FKBP4: variants seen among roughly 807,000 people sequenced by gnomAD.
The protein encoded by FKBP4 is FKBP prolyl isomerase 4.
FKBP4 carries 28 observed loss-of-function variants against 54.1 expected under a neutral mutation model. That is an observed-to-expected ratio of 0.52 (90% CI 0.38 to 0.71). The LOEUF (loss-of-function observed/expected upper bound fraction) is 0.71. Ranked by LOEUF, FKBP4 falls within the 30% of genes least tolerant of loss-of-function variation. The pLI, the probability that FKBP4 is intolerant of heterozygous loss-of-function variation, is 0.00. For missense variants in FKBP4, 493 were observed against 574.4 expected (o/e 0.86, Z 1.45); for synonymous variants, 223 against 216.1 (o/e 1.03, Z -0.28).
rs1359592864 is a variant in FKBP4, at chr12:2,795,489, C to G, written c.105+245C>G. On this transcript the variant is annotated intron_variant, in intron 1 of 9. Transcript: ENST00000001008. This position sits in a 1 kb window ranked among gnomAD's most constrained non-coding sequence, Gnocchi z 4.3. ...GCGCGGGCCGAGGCCCCAGGCTCCC[C>G]AGCCGGCAGCGCCCGGGCCCGGGCA... Among the ~76,000 whole-genome samples the G allele has an allele frequency of 6.8e-6, 1 of 147,046 alleles. No homozygotes were observed. The highest frequency in any genetic ancestry group is 1.5e-5 in the Non-Finnish European group (1 of 65,994).
rs753332465 is a variant in FKBP4 at position 2,795,176 on chromosome 12, G to A, written c.37G>A (p.Ala13Thr). 7.6e-7 allele frequency: 1 copy of A among 1,318,136 alleles called. No individual in the cohort carries two copies. The allele number at this position is 1,318,136 out of a possible 1,614,324, so 81.7% of individuals were successfully genotyped here. A position where few individuals can be genotyped will look rare whatever the true frequency, so the allele number is the denominator to read the frequency against. ...GGAGATGAAGGCGACCGAGAGCGGG[G>A]CGCAGTCGGCGCCGCTGCCCATGGA... is the stretch of plus-strand genomic sequence containing the variant. The part of the protein sequence containing the change: ...AEEMKATESG[A>T]QSAPLPMEGV... The change falls in exon 1 of 10, where the codon GCG becomes ACG. Residue 13 changes from alanine to threonine, a missense_variant. Ala to Thr is a moderately conservative substitution (Grantham distance 58). Coordinates refer to ENST00000001008, the MANE Select transcript of FKBP4 (RefSeq NM_002014.4). The surrounding 1 kb of genome is among the most constrained non-coding windows in gnomAD (Gnocchi z 4.3).
In FKBP4 at chr12:2,797,393, T is replaced by G; in HGVS notation, c.250+111T>G. ...CAGGGAGGAATGGTTTATCACAGTC[T>G]GTTAACTCTTTCGGTCACTCTTTTT... is the stretch of plus-strand genomic sequence containing the variant. On this transcript the variant is annotated intron_variant, in intron 2 of 9. Coordinates refer to ENST00000001008, the MANE Select transcript of FKBP4 (RefSeq NM_002014.4). 2.4e-6 allele frequency: 3 copies of G among 1,273,288 alleles called. No homozygotes were observed. The South Asian group carries it at 4.3e-5, about 18-fold the overall frequency. The allele number at this position is 1,273,288 out of a possible 1,614,324, so 78.9% of individuals were successfully genotyped here.
intron 9 of FKBP4, 39 bp downstream of exon 9, chr12:2,801,395 T>A (rs2097904694): frequency 6.2e-7 from 1 of 1,610,114 alleles, no homozygotes; most frequent in Admixed American, 1.7e-5. Flanking sequence ...ATAGCATCCC[T>A]CCACTTAACC....
chr12:2,798,016 G>GC lies in FKBP4; in HGVS notation c.393+146dup. On this transcript the variant is annotated intron_variant, in intron 3 of 9. Transcript: ENST00000001008. The surrounding 1 kb of genome is among the most constrained non-coding windows in gnomAD (Gnocchi z 4.3). Reference sequence around the variant, plus strand: ...CCTTATGGGAGGAGAAATGCAGAGGGCTCTGCTGCTGCTAGTAATGGAAGT... The same window carrying GC: ...CCTTATGGGAGGAGAAATGCAGAGGGCCTCTGCTGCTGCTAGTAATGGAAGT... 1 of 983,980 alleles carries GC rather than the reference G, an allele frequency of 1.0e-6. No homozygotes were observed. Among genetic ancestry groups the GC allele is most frequent in the Admixed American group, 2.5e-5 (1 of 39,250 alleles). The allele number at this position is 983,980 out of a possible 1,614,324, so 61.0% of individuals were successfully genotyped here.
chr12:2,800,447 A>C lies in FKBP4; in HGVS notation c.902A>C (p.Glu301Ala). ...TATAAGAAGATCGTGTCTTGGCTGG[A>C]ATATGAGTCTAGTTTTTCCAATGAG... ...LQYKKIVSWL[E>A]YESSFSNEEA... The change falls in exon 8 of 10, where the codon GAA becomes GCA. Residue 301 changes from glutamate (E) to alanine (A), a missense_variant. Coordinates refer to ENST00000001008, the MANE Select transcript of FKBP4 (RefSeq NM_002014.4). The C allele has an allele frequency of 6.2e-7, 1 of 1,614,102 alleles. No individual in the cohort carries two copies. Among genetic ancestry groups the C allele is most frequent in the Non-Finnish European group, 8.5e-7 (1 of 1,179,976 alleles).
chr12:2,805,214 G>C lies in FKBP4; in HGVS notation c.*1956G>C, dbSNP rs1289934273. 2.2e-6 allele frequency: 1 copy of C among 456,042 alleles called. No individual in the cohort carries two copies. The highest frequency in any genetic ancestry group is 6.9e-5 in the East Asian group (1 of 14,398). The allele number at this position is 456,042 out of a possible 1,614,324, so 28.2% of individuals were successfully genotyped here. A position where few individuals can be genotyped will look rare whatever the true frequency, so the allele number is the denominator to read the frequency against. On this transcript the variant is annotated 3_prime_UTR_variant, in exon 10 of 10. Coordinates refer to ENST00000001008, the MANE Select transcript of FKBP4 (RefSeq NM_002014.4). ...AGTTAAATGGAAAGGTGAGGTCTCT[G>C]AACTAATCCAGACTCTCCCATGAGG...
intron 7 of FKBP4, 123 bp from the exon 8 acceptor site, chr12:2,800,269 C>A: frequency 7.3e-7 from 1 of 1,370,500 alleles, no homozygotes; most frequent in Admixed American, 2.1e-5. Context: ...GCTTGCTGGC[C>A]TTGCCAGTGG....
intron 9 of FKBP4, among the ~76,000 whole-genome samples, chr12:2,802,006 A>AGTAGCTG (rs1247858706): frequency 2.0e-5 from 3 of 152,034 alleles, no homozygotes; most frequent in Non-Finnish European, 2.9e-5. Flanking sequence ...TTCACGTAAT[A>AGTAGCTG]GTAGCTGGAG....
intron 9 of FKBP4, chr12:2,801,589 G>A (rs546298303): frequency 2.7e-5 from 17 of 636,912 alleles, no homozygotes; most frequent in Admixed American, 1.6e-4. Context: ...TGTAATTCCC[G>A]ATTTATGTTT....
chr12:2,799,051 C>T (rs902238548), intron 4 of FKBP4, 37 bp from the exon 5 acceptor site: 8 of 1,522,188 alleles, frequency 5.3e-6, no homozygotes, highest in Admixed American at 4.3e-5. Flanking sequence ...CACCTGCCCT[C>T]TTACAACTCT....
chr12:2,796,787 T>C, intron 1 of FKBP4: 1 of 1,081,296 alleles, frequency 9.2e-7, no homozygotes, highest in Non-Finnish European at 1.1e-6. Flanking sequence ...TTATTCAACC[T>C]TTTACTGGTC....
Position 2,804,941 on chromosome 12 carries a change from T to C in FKBP4, c.*1683T>C. The C allele has an allele frequency of 4.3e-6, 1 of 235,100 alleles. No individual in the cohort carries two copies. 14.6% of individuals were successfully genotyped at this position (235,100 alleles called of 1,614,324 possible). A position where few individuals can be genotyped will look rare whatever the true frequency, so the allele number is the denominator to read the frequency against. ...TTTAAAAAAGTCCCTGTGTAACTGC[T>C]TTCTTACTGGGCTTACCTCACATCA... On this transcript the variant is annotated 3_prime_UTR_variant, in exon 10 of 10. Transcript: ENST00000001008.
rs368305335 is a variant in FKBP4 at position 2,795,936 on chromosome 12, C to G, written c.105+692C>G. ...TGCCGGGAGCTGTAGTCCCCTCCCC[C>G]CTCCGCCGCCTCCCGGAGCCAGGGC... On this transcript the variant is annotated intron_variant, in intron 1 of 9. Coordinates refer to ENST00000001008, the MANE Select transcript of FKBP4 (RefSeq NM_002014.4). The surrounding 1 kb of genome is among the most constrained non-coding windows in gnomAD (Gnocchi z 4.3). 134 of 1,024,860 alleles carry G rather than the reference C, an allele frequency of 1.3e-4. No individual in the cohort carries two copies. The highest frequency in any genetic ancestry group is 9.9e-4 in the Middle Eastern group (2 of 2,020). 63.5% of individuals were successfully genotyped at this position (1,024,860 alleles called of 1,614,324 possible). A position where few individuals can be genotyped will look rare whatever the true frequency, so the allele number is the denominator to read the frequency against.
At chr12:2,800,704 G>A in intron 8 of FKBP4, 127 bp downstream of exon 8, 1 of 936,844 alleles carries the variant, frequency 1.1e-6, no homozygotes, top group Non-Finnish European at 1.6e-6. Context: ...GGAGCTCTGA[G>A]GTTACAGACC....
chr12:2,795,898 C>A lies in FKBP4; in HGVS notation c.105+654C>A. On this transcript the variant is annotated intron_variant, in intron 1 of 9. Coordinates refer to ENST00000001008, the MANE Select transcript of FKBP4 (RefSeq NM_002014.4). The surrounding 1 kb of genome is among the most constrained non-coding windows in gnomAD (Gnocchi z 4.3). ...CCCCCTCCCTCGGCCCCGGGGAGGC[C>A]GGGCGCGGGGCATGCCGGGAGCTGT... The A allele has an allele frequency of 1.0e-6, 1 of 973,918 alleles. No individual in the cohort carries two copies. Among genetic ancestry groups the A allele is most frequent in the Non-Finnish European group, 1.2e-6 (1 of 817,540 alleles). 60.3% of individuals were successfully genotyped at this position (973,918 alleles called of 1,614,324 possible).
At chr12:2,802,533 AAC>A (rs2097905425) in intron 9 of FKBP4, among the ~76,000 whole-genome samples, 1 of 152,176 alleles carries the variant, frequency 6.6e-6, no homozygotes, top group African/African-American at 2.4e-5. Context: ...AAAGGTGAAA[AAC>A]AAATGGAATT....
Position 2,798,579 on chromosome 12 carries a change from CCTT to C in FKBP4, c.394-126_394-124del. The C allele has an allele frequency of 1.3e-6, 2 of 1,520,008 alleles. No individual in the cohort carries two copies. The highest frequency in any genetic ancestry group is 9.0e-7 in the Non-Finnish European group (1 of 1,116,484). The allele number at this position is 1,520,008 out of a possible 1,614,324, so 94.2% of individuals were successfully genotyped here. A position where few individuals can be genotyped will look rare whatever the true frequency, so the allele number is the denominator to read the frequency against. The stretch of plus-strand genomic sequence containing the variant: ...AAAAAAAGTGCCACTCTACCCAACT[CCTT>C]GTGACTGCCCTTGTGGTCAGATCCG... On this transcript the variant is annotated intron_variant, in intron 3 of 9. Transcript: ENST00000001008. The surrounding 1 kb of genome is among the most constrained non-coding windows in gnomAD (Gnocchi z 4.3).
rs752845341 is a variant in FKBP4, at chr12:2,801,341, TGAG to T, written c.1264_1266del (p.Glu422del). 181 of 1,614,090 alleles carry T rather than the reference TGAG, an allele frequency of 1.1e-4. No homozygotes were observed. The highest frequency in any genetic ancestry group is 2.1e-4 in the African/African-American group (16 of 75,016). On this transcript the variant is annotated inframe_deletion, in exon 9 of 10. Transcript: ENST00000001008. Reference sequence around the variant, plus strand: ...ATGCCAATATGTTTGAGAGGCTGGCTGAGGAGGAGAACAAGGTGAGGATTGGGG... The same window carrying T: ...ATGCCAATATGTTTGAGAGGCTGGCTGAGGAGAACAAGGTGAGGATTGGGG...
Position 2,795,281 on chromosome 12 carries a change from C to A in FKBP4, c.105+37C>A. 1 of 1,130,214 alleles carries A rather than the reference C, an allele frequency of 8.8e-7. No individual in the cohort carries two copies. The highest frequency in any genetic ancestry group is 4.0e-5 in the South Asian group (1 of 24,860). 70.0% of individuals were successfully genotyped at this position (1,130,214 alleles called of 1,614,324 possible). ...CGGGGCCTGCGGAGGCGTCGGAACC[C>A]GGGGCCCCGCGGGCCGCCCTTCCGC... On this transcript the variant is annotated intron_variant, in intron 1 of 9. Coordinates refer to ENST00000001008, the MANE Select transcript of FKBP4 (RefSeq NM_002014.4). This position sits in a 1 kb window ranked among gnomAD's most constrained non-coding sequence, Gnocchi z 4.3.
Sources: gnomAD v4.1 joint callset for allele counts (sites outside exome capture counted in the v4.1 genomes callset) on GRCh38, gnomAD v4.1.1 for gene constraint, Gnocchi (gnomAD v3.1) non-coding constraint, MANE v1.5 for transcripts, NCBI Gene and HGNC (gene_info 2026-07-23, HGNC 2026-07-21) for gene names.